DNMT1: variants seen among roughly 807,000 people sequenced by gnomAD.
DNMT1 encodes DNA methyltransferase 1.
DNMT1 carries 24 observed loss-of-function variants against 205.3 expected under a neutral mutation model. The ratio of observed to expected loss-of-function variants is 0.12; its 90% CI spans 0.08 to 0.16. DNMT1 has a LOEUF of 0.16. Among genes scored for constraint, DNMT1 ranks in the 10% least tolerant of loss-of-function variants. DNMT1 has a pLI of 1.00. For synonymous variants in DNMT1, 817 were observed against 839.8 expected (o/e 0.97, Z 0.47); for missense variants, 1,293 against 2,177.7 (o/e 0.59, Z 8.09).
intron 1 of DNMT1, among the ~76,000 whole-genome samples, chr19:10,182,532 T>G (rs763033593): frequency 6.8e-6 from 1 of 146,808 alleles, no homozygotes; most frequent in Non-Finnish European, 1.5e-5. Flanking sequence ...TGTGTATATG[T>G]GTATATATAC....
Position 10,133,882 on chromosome 19 carries a change from C to G in DNMT1, c.4865-181G>C, listed in dbSNP as rs2089423691. Among the ~76,000 whole-genome samples the G allele has an allele frequency of 6.6e-6, 1 of 152,172 alleles. No homozygotes were observed. The highest frequency in any genetic ancestry group is 6.5e-5 in the Admixed American group (1 of 15,272). The stretch of plus-strand genomic sequence containing the variant: ...GAGACTGAACACTCCTCAAACGGTC[C>G]CCAGAGGGTTCTAGACCCAGAGGCT... On this transcript the variant is annotated intron_variant, in intron 40 of 40. Coordinates refer to ENST00000359526, the MANE Select transcript of DNMT1 (RefSeq NM_001130823.3). This position sits in a 1 kb window ranked among gnomAD's most constrained non-coding sequence, Gnocchi z 4.1.
rs572044408 is a variant in DNMT1, at chr19:10,138,267, G to C, written c.4115+172C>G. The stretch of plus-strand genomic sequence containing the variant: ...TCTACTAGGGAAGCAGATGATGCAG[G>C]GTCAGAACTGGAGACCACAGGTGGC... On this transcript the variant is annotated intron_variant, in intron 35 of 40. Coordinates refer to ENST00000359526, the MANE Select transcript of DNMT1 (RefSeq NM_001130823.3). This position sits in a 1 kb window ranked among gnomAD's most constrained non-coding sequence, Gnocchi z 4.1. Among the ~76,000 whole-genome samples the C allele has an allele frequency of 6.6e-6, 1 of 152,344 alleles. No individual in the cohort carries two copies. Among genetic ancestry groups the C allele is most frequent in the East Asian group, 1.9e-4 (1 of 5,188 alleles).
rs759978174 is a variant in DNMT1 at position 10,154,464 on chromosome 19, C to T, written c.1848G>A (p.Arg616=). 3 of 1,614,250 alleles carry T rather than the reference C, an allele frequency of 1.9e-6. No homozygotes were observed. Among genetic ancestry groups the T allele is most frequent in the East Asian group, 2.2e-5 (1 of 44,890 alleles). ...TGGTAGAATGCCTGATGGTCTGCCG[C>T]CTCGCCTGGGCTCGCCTACGGGAGA... The part of the protein sequence containing the change: ...VTLGQRRAQA[R]RQTIRHSTRE... The change falls in exon 22 of 41, where the codon AGG becomes AGA. Residue 616 remains arginine, a synonymous_variant. Transcript: ENST00000359526. This position sits in a 1 kb window ranked among gnomAD's most constrained non-coding sequence, Gnocchi z 6.3.
In DNMT1 at chr19:10,135,817, C is replaced by G; in HGVS notation, c.4692G>C (p.Val1564=). ...GGGAGCGGGCACACTCCCGCACGCT[C>G]ACCACACGGTGCTGCTCTGGGTGGA... The part of the protein sequence containing the change: ...RVLHPEQHRV[V]SVRECARSQG... Residue 1564 remains valine (V), a synonymous_variant, in exon 39 of 41, where the codon GTG becomes GTC. Transcript: ENST00000359526. 6.4e-7 allele frequency: 1 copy of G among 1,570,406 alleles called. No individual in the cohort carries two copies. Among genetic ancestry groups the G allele is most frequent in the Non-Finnish European group, 8.6e-7 (1 of 1,159,860 alleles).
At chr19:10,183,125 A>ATATACGTGTGTGTATATATATATTTT (rs767124770) in intron 1 of DNMT1, among the ~76,000 whole-genome samples, 2 of 117,482 alleles carry the variant, frequency 1.7e-5, no homozygotes, top group African/African-American at 6.8e-5. Flanking sequence ...ATATATATAT[A>ATATACGTGTGTGTATATATATATTTT]TTTTTTTTTT....
chr19:10,183,113 A>ATATATATACACACGTATATATACGTGTG (rs748854798), intron 1 of DNMT1, among the ~76,000 whole-genome samples: 52 of 127,564 alleles, frequency 4.1e-4, no homozygotes, highest in Admixed American at 3.2e-3. Context: ...ATACGTGTGT[A>ATATATATACACACGTATATATACGTGTG]TATATATATA....
chr19:10,137,778 C>T lies in DNMT1; in HGVS notation c.4293+54G>A, dbSNP rs374196844. ...GTCTTGGGCAGGCTGACTGTTCCCA[C>T]GAGGCTGCTGGGCTGGGCCTCGAGG... On this transcript the variant is annotated intron_variant, in intron 36 of 40. Transcript: ENST00000359526. The surrounding 1 kb of genome is among the most constrained non-coding windows in gnomAD (Gnocchi z 6.4). The T allele has an allele frequency of 8.2e-6, 13 of 1,590,058 alleles. No homozygotes were observed. Among genetic ancestry groups the T allele is most frequent in the South Asian group, 2.3e-5 (2 of 87,954 alleles).
intron 29 of DNMT1, among the ~76,000 whole-genome samples, chr19:10,142,457 C>A (rs1488643898): frequency 6.6e-6 from 1 of 150,654 alleles, no homozygotes; most frequent in Non-Finnish European, 1.5e-5. Flanking sequence ...GGTAAAGACC[C>A]CCCCTAGTTA....
intron 30 of DNMT1, 21 bp from the exon 31 acceptor site, chr19:10,141,210 A>G (rs753774104): frequency 1.9e-6 from 3 of 1,612,852 alleles, no homozygotes; most frequent in East Asian, 2.2e-5. Context: ...GAGAACTGCA[A>G]TCGTTTGGGA....
chr19:10,162,920 C>G, intron 12 of DNMT1, 172 bp from the exon 13 acceptor site: 1 of 690,772 alleles, frequency 1.4e-6, no homozygotes, highest in South Asian at 1.7e-5. Context: ...TCAGAGGCCC[C>G]AGGGTCCCCA....
Position 10,154,846 on chromosome 19 carries a change from G to C in DNMT1, c.1644+59C>G. 1 of 1,614,206 alleles carries C rather than the reference G, an allele frequency of 6.2e-7. No individual in the cohort carries two copies. Among genetic ancestry groups the C allele is most frequent in the Non-Finnish European group, 8.5e-7 (1 of 1,180,042 alleles). On this transcript the variant is annotated intron_variant, in intron 20 of 40. Coordinates refer to ENST00000359526, the MANE Select transcript of DNMT1 (RefSeq NM_001130823.3). This position sits in a 1 kb window ranked among gnomAD's most constrained non-coding sequence, Gnocchi z 6.3. ...ATCCAACTGAAGAACAGTGTCTGCT[G>C]GTTCTGAAGGCAAGTTTCCAGTGGG... is the stretch of plus-strand genomic sequence containing the variant.
intron 11 of DNMT1, among the ~76,000 whole-genome samples, chr19:10,165,450 C>T (rs575169738): frequency 1.3e-5 from 2 of 152,166 alleles, no homozygotes; most frequent in African/African-American, 2.4e-5. Flanking sequence ...TGGAGTGCAG[C>T]GGCATAATCT....
chr19:10,155,129 G>A (rs1030737580), intron 19 of DNMT1, 73 bp from the exon 20 acceptor site: 3 of 1,594,174 alleles, frequency 1.9e-6, no homozygotes, highest in Admixed American at 3.4e-5. Context: ...AGGGCATGGA[G>A]GAGTCTACCA....
intron 11 of DNMT1, among the ~76,000 whole-genome samples, chr19:10,165,102 C>CA (rs2038660392): frequency 6.6e-6 from 1 of 151,302 alleles, no homozygotes; most frequent in East Asian, 1.9e-4. Flanking sequence ...CCTATCTCTA[C>CA]AAAAAATTAA....
intron 38 of DNMT1, 43 bp downstream of exon 38, chr19:10,136,078 A>T: frequency 6.2e-7 from 1 of 1,613,078 alleles, no homozygotes; most frequent in Non-Finnish European, 8.5e-7. Flanking sequence ...GCCGCCAAGT[A>T]CAGGGCCTGA....
intron 1 of DNMT1, among the ~76,000 whole-genome samples, chr19:10,182,413 ATGTG>A (rs1452640920): frequency 2.1e-4 from 15 of 72,318 alleles, no homozygotes; most frequent in African/African-American, 7.2e-4. Context: ...ATACATATAT[ATGTG>A]TATATATATG....
chr19:10,185,843 G>GAAA lies in DNMT1; in HGVS notation c.81-3769_81-3767dup, dbSNP rs57377594. 4.2e-4 allele frequency among the ~76,000 whole-genome samples: 30 copies of GAAA among 70,760 alleles called. No individual in the cohort carries two copies. In the East Asian group the frequency reaches 4.5e-3, roughly 11 times the overall value. 46.4% of individuals were successfully genotyped at this position (70,760 alleles called of 152,430 possible). ...AACAGAACAAGACCCTGTCTCAAAAGAAAAAAAAAAAAAAAAAAAGATGCT... is the reference window on the plus strand; with the variant it reads ...AACAGAACAAGACCCTGTCTCAAAAGAAAAAAAAAAAAAAAAAAAAAAGATGCT... On this transcript the variant is annotated intron_variant, in intron 1 of 40. Transcript: ENST00000359526.
At position 10,136,177 on chromosome 19, in the gene DNMT1, C is replaced by G. The variant is rs1316848811; in HGVS notation, c.4600G>C (p.Glu1534Gln). The G allele has an allele frequency of 1.2e-6, 2 of 1,613,972 alleles. No homozygotes were observed. Among genetic ancestry groups the G allele is most frequent in the African/African-American group, 2.7e-5 (2 of 74,934 alleles). Residue 1534 changes from glutamate to glutamine, a missense_variant, in exon 38 of 41, where the codon GAG (glutamate) becomes CAG (glutamine). Transcript: ENST00000359526. Reference protein sequence around the residue: ...NHWAGLYGRLEWDGFFSTTVT... With the variant: ...NHWAGLYGRLQWDGFFSTTVT... ...GTTGTGCTGAAGAAGCCGTCCCACTCGAGCCTTCCATAGAGGCCAGCCCAG... is the reference window on the plus strand; with the variant it reads ...GTTGTGCTGAAGAAGCCGTCCCACTGGAGCCTTCCATAGAGGCCAGCCCAG...
chr19:10,183,664 G>T (rs1358889491), intron 1 of DNMT1, among the ~76,000 whole-genome samples: 1 of 152,058 alleles, frequency 6.6e-6, no homozygotes, highest in Non-Finnish European at 1.5e-5. Flanking sequence ...ATTACCTGAG[G>T]TCAAGGGTTT....
Sources: allele counts gnomAD v4.1 joint callset (sites outside exome capture counted in the v4.1 genomes callset), GRCh38; gene constraint gnomAD v4.1.1; non-coding constraint Gnocchi (gnomAD v3.1); transcripts MANE v1.5; gene names NCBI Gene and HGNC (gene_info 2026-07-23, HGNC 2026-07-21).